The following ERC1 variants were observed in gnomAD, a reference collection of about 807,000 sequenced individuals.
The protein encoded by ERC1 is RAB6 interacting protein 2.
In ERC1, 56 loss-of-function variants were observed where a neutral mutation model predicts 132.0. The observed-to-expected ratio is 0.42, with a 90% CI of 0.34 to 0.53. ERC1 has a LOEUF of 0.53. Ranked by LOEUF, ERC1 falls within the 20% of genes least tolerant of loss-of-function variation. The pLI is 0.03. For synonymous variants in ERC1, 478 were observed against 476.1 expected (o/e 1.00, Z -0.05); for missense variants, 1,202 against 1,349.9 (o/e 0.89, Z 1.72).
chr12:1,073,796 T>C (rs543188334), intron 2 of ERC1, among the ~76,000 whole-genome samples: 88 of 152,342 alleles, frequency 5.8e-4, no homozygotes, highest in Non-Finnish European at 1.1e-3. Flanking sequence ...TTATTTACAC[T>C]AACATCATTG....
chr12:1,191,099 A>G (rs994046964), intron 12 of ERC1, among the ~76,000 whole-genome samples: 43 of 152,150 alleles, frequency 2.8e-4, no homozygotes, highest in African/African-American at 9.7e-4. Context: ...CACTGTACTG[A>G]AAGTGTAAAT....
intron 2 of ERC1, among the ~76,000 whole-genome samples, chr12:1,055,974 CT>C (rs904483033): frequency 2.0e-5 from 3 of 151,604 alleles, no homozygotes; most frequent in African/African-American, 7.3e-5. Context: ...AATGAGACCC[CT>C]GTCTCTAAAA....
intron 15 of ERC1, among the ~76,000 whole-genome samples, chr12:1,311,025 G>A (rs2081266718): frequency 6.6e-6 from 1 of 152,192 alleles, no homozygotes; most frequent in African/African-American, 2.4e-5. Flanking sequence ...TCACAAGGGA[G>A]GGAGACAAGA....
intron 2 of ERC1, among the ~76,000 whole-genome samples, chr12:1,056,200 CT>C (rs931978025): frequency 2.0e-5 from 3 of 150,576 alleles, no homozygotes; most frequent in Non-Finnish European, 4.4e-5. Flanking sequence ...TCTGTAATTC[CT>C]TTTTCCCCCG....
At chr12:991,569 A>C (rs1049265163) in intron 1 of ERC1, 1 of 148,858 alleles carries the variant, frequency 6.7e-6, no homozygotes, top group Non-Finnish European at 1.5e-5. Flanking sequence ...ACCGGCGCCC[A>C]CCCGCGGGCT....
chr12:991,846 T>G (rs1342097836), intron 1 of ERC1: 2 of 152,158 alleles, frequency 1.3e-5, no homozygotes, highest in Non-Finnish European at 2.9e-5. Flanking sequence ...GATGAAATGG[T>G]GAGATAAAAG....
At chr12:1,197,482 T>G (rs1273043624) in intron 12 of ERC1, among the ~76,000 whole-genome samples, 1 of 152,182 alleles carries the variant, frequency 6.6e-6, no homozygotes, top group African/African-American at 2.4e-5. Flanking sequence ...GTCTGTTCAC[T>G]TGAGGATCTT....
chr12:1,143,561 G>A (rs376660615), intron 8 of ERC1, among the ~76,000 whole-genome samples: 1 of 148,026 alleles, frequency 6.8e-6, no homozygotes, highest in African/African-American at 2.5e-5. Flanking sequence ...TCTAAGGTAC[G>A]TTTCTTTTTC....
intron 14 of ERC1, among the ~76,000 whole-genome samples, chr12:1,268,887 T>G (rs1336447971): frequency 6.6e-6 from 1 of 151,992 alleles, no homozygotes; most frequent in African/African-American, 2.4e-5. Context: ...GTAGCTACAG[T>G]TGAGTGTAAA....
chr12:1,441,352 T>C (rs1222258326), intron 17 of ERC1, among the ~76,000 whole-genome samples: 6 of 152,166 alleles, frequency 3.9e-5, no homozygotes, highest in Non-Finnish European at 1.5e-5. Context: ...TGAGCCACCG[T>C]GCCCGGCTGA....
At chr12:1,354,379 T>G (rs1038392488) in intron 15 of ERC1, among the ~76,000 whole-genome samples, 3 of 151,942 alleles carry the variant, frequency 2.0e-5, no homozygotes, top group Admixed American at 2.0e-4. Context: ...AAAAACCAGC[T>G]GGGCATGGTG....
At chr12:1,342,450 A>C (rs1449772307) in intron 15 of ERC1, among the ~76,000 whole-genome samples, 1 of 149,750 alleles carries the variant, frequency 6.7e-6, no homozygotes, top group African/African-American at 2.5e-5. Context: ...CTGGGCGACA[A>C]AGAGCGAAAC....
intron 14 of ERC1, among the ~76,000 whole-genome samples, chr12:1,272,342 A>G (rs1366337933): frequency 1.3e-5 from 2 of 152,340 alleles, no homozygotes; most frequent in African/African-American, 2.4e-5. Context: ...CCCCAGAGAA[A>G]TGTCGTATTT....
intron 13 of ERC1, among the ~76,000 whole-genome samples, chr12:1,251,739 C>G (rs796323207): frequency 2.3e-4 from 35 of 152,098 alleles, no homozygotes; most frequent in African/African-American, 8.2e-4. Context: ...AGTACTTTTC[C>G]CTCTGGCCAC....
intron 12 of ERC1, among the ~76,000 whole-genome samples, chr12:1,227,037 T>A (rs1303810839): frequency 6.6e-6 from 1 of 152,224 alleles, no homozygotes; most frequent in Non-Finnish European, 1.5e-5. Context: ...ATTTTCTTTA[T>A]CCATTCATCT....
chr12:1,013,932 T>C (rs1015177340), intron 1 of ERC1, among the ~76,000 whole-genome samples: 1 of 152,056 alleles, frequency 6.6e-6, no homozygotes, highest in Non-Finnish European at 1.5e-5. Flanking sequence ...GACGAGGTCT[T>C]GCCGTGTTGC....
At chr12:1,259,520 C>CTTTTT (rs201786277) in intron 13 of ERC1, among the ~76,000 whole-genome samples, 166 of 113,856 alleles carry the variant, frequency 1.5e-3, no homozygotes, top group Non-Finnish European at 2.2e-3. Context: ...TTCTTTCTTT[C>CTTTTT]TTTTTTTTTT....
chr12:1,083,400 A>G lies in ERC1; in HGVS notation c.906A>G (p.Leu302=), dbSNP rs1942508834. 6.2e-7 allele frequency: 1 copy of G among 1,614,076 alleles called. No individual in the cohort carries two copies. Among genetic ancestry groups the G allele is most frequent in the African/African-American group, 1.3e-5 (1 of 74,930 alleles). ...GTATTGAGACTCAAAAGCAGACCCT[A>G]AATGCTCGGGATGAATCCATTAAGA... ...ELRIETQKQT[L]NARDESIKKL... Residue 302 remains leucine (L), a synonymous_variant, in exon 3 of 19, where the codon CTA becomes CTG. Coordinates refer to ENST00000360905, the MANE Select transcript of ERC1 (RefSeq NM_178040.4).
In ERC1 at chr12:1,492,561, T is replaced by C. The variant is rs187015470; in HGVS notation, c.*2331T>C. The C allele has an allele frequency of 8.6e-6, 2 of 233,190 alleles. No individual in the cohort carries two copies. Among genetic ancestry groups the C allele is most frequent in the South Asian group, 1.8e-4 (1 of 5,518 alleles). 14.4% of individuals were successfully genotyped at this position (233,190 alleles called of 1,614,324 possible). A position where few individuals can be genotyped will look rare whatever the true frequency, so the allele number is the denominator to read the frequency against. On this transcript the variant is annotated 3_prime_UTR_variant, in exon 19 of 19. Coordinates refer to ENST00000360905, the MANE Select transcript of ERC1 (RefSeq NM_178040.4). ...CTCTCAGCCACTGGGTGTGTCACTC[T>C]CCTCTTCATCTCAGCATTCTCCATC...
Sources: allele counts gnomAD v4.1 joint callset (sites outside exome capture counted in the v4.1 genomes callset), GRCh38; gene constraint gnomAD v4.1.1; transcripts MANE v1.5; gene names NCBI Gene and HGNC (gene_info 2026-07-23, HGNC 2026-07-21).